Variants in ECE1 observed in about 807,000 individuals in gnomAD.
ECE1 encodes the protein endothelin-converting enzyme 1.
In ECE1, 35 loss-of-function variants were observed where a neutral mutation model predicts 98.6. The observed-to-expected ratio is 0.35, with a 90% CI of 0.27 to 0.47. The LOEUF (loss-of-function observed/expected upper bound fraction) is 0.47, where lower values mean the gene tolerates loss of function less well. Ranked by LOEUF, ECE1 falls within the 20% of genes least tolerant of loss-of-function variation. ECE1 has a pLI of 1.00. For synonymous variants in ECE1, 394 were observed against 407.1 expected, an observed-to-expected ratio of 0.97 and a Z score of 0.39; for missense variants, 814 against 1,025.3, an observed-to-expected ratio of 0.79 and a Z score of 2.81.
intron 1 of ECE1, chr1:21,299,637 G>C (rs1638441762): frequency 6.6e-6 from 1 of 152,176 alleles, no homozygotes; most frequent in Non-Finnish European, 1.5e-5. Context: ...GTGTGGACTT[G>C]GGAGCTAGGC....
chr1:21,267,711 G>A (rs1389702198), intron 4 of ECE1, among the ~76,000 whole-genome samples: 1 of 152,166 alleles, frequency 6.6e-6, no homozygotes. Flanking sequence ...AAACAGGAAG[G>A]CAGCACCCAC....
chr1:21,287,477 G>C (rs924858687), intron 2 of ECE1, among the ~76,000 whole-genome samples: 1 of 152,218 alleles, frequency 6.6e-6, no homozygotes, highest in African/African-American at 2.4e-5. Flanking sequence ...AGTGAGCTGA[G>C]ATCGCGCCAC....
chr1:21,323,254 A>G (rs191124334), intron 1 of ECE1, among the ~76,000 whole-genome samples: 3 of 152,270 alleles, frequency 2.0e-5, no homozygotes, highest in African/African-American at 7.2e-5. Context: ...AGGTGGAGAA[A>G]GGCCCTAGCC....
At chr1:21,314,244 A>G (rs1470101138) in intron 1 of ECE1, among the ~76,000 whole-genome samples, 1 of 152,188 alleles carries the variant, frequency 6.6e-6, no homozygotes, top group Non-Finnish European at 1.5e-5. Context: ...GCATTATGGG[A>G]GCCTGCAGAA....
intron 2 of ECE1, among the ~76,000 whole-genome samples, chr1:21,286,394 A>T (rs1558414556): frequency 6.6e-6 from 1 of 152,238 alleles, no homozygotes; most frequent in Non-Finnish European, 1.5e-5. Flanking sequence ...TCTAAGCATT[A>T]TCCAAAATGC....
chr1:21,335,316 C>G (rs3026818), intron 1 of ECE1, among the ~76,000 whole-genome samples: 8,264 of 152,264 alleles, frequency 0.054, 739 homozygotes, highest in African/African-American at 0.19. Flanking sequence ...CTCCTTTCTT[C>G]TCTCGGAGCG....
intron 2 of ECE1, among the ~76,000 whole-genome samples, chr1:21,282,751 A>G (rs947262968): frequency 1.3e-5 from 2 of 152,076 alleles, no homozygotes; most frequent in African/African-American, 4.8e-5. Flanking sequence ...GGAGACAGCT[A>G]AGAGCAAGGA....
chr1:21,228,100 C>A, intron 14 of ECE1, 59 bp from the exon 15 acceptor site: 2 of 1,399,066 alleles, frequency 1.4e-6, no homozygotes, highest in South Asian at 1.2e-5. Flanking sequence ...GTGGGGACAG[C>A]CTGCCTGGAG....
At chr1:21,244,848 C>T (rs2098201115) in intron 10 of ECE1, 141 bp downstream of exon 10, 1 of 778,276 alleles carries the variant, frequency 1.3e-6, no homozygotes, top group Non-Finnish European at 2.2e-6. Context: ...CTCCTCTTTA[C>T]CCTTTACTTG....
chr1:21,297,984 G>A (rs1638405920), intron 1 of ECE1: 3 of 152,412 alleles, frequency 2.0e-5, no homozygotes. Flanking sequence ...GACCACAGGT[G>A]GGTAGCACCA....
intron 14 of ECE1, among the ~76,000 whole-genome samples, chr1:21,231,690 T>C (rs1253740057): frequency 6.6e-6 from 1 of 152,232 alleles, no homozygotes; most frequent in East Asian, 1.9e-4. Context: ...GGTCTTGCTC[T>C]GTAGCCCAGG....
intron 1 of ECE1, among the ~76,000 whole-genome samples, chr1:21,305,627 A>G (rs1425541329): frequency 6.6e-6 from 1 of 152,136 alleles, no homozygotes; most frequent in Non-Finnish European, 1.5e-5. Flanking sequence ...AACAGGAGGG[A>G]GGCAAGGGAG....
At chr1:21,290,537 C>T (rs925596373), upstream of ECE1, 14 of 1,192,576 alleles carry the variant, frequency 1.2e-5, no homozygotes, top group African/African-American at 1.1e-4. The surrounding 1 kb of genome is among the most constrained non-coding windows in gnomAD (Gnocchi z 7.3). Context: ...TCCCAACCTC[C>T]GGCCTCCCGG....
Position 21,327,415 on chromosome 1 carries a change from T to C in ECE1, c.3+17961A>G, listed in dbSNP as rs1191955944. 6.6e-6 allele frequency among the ~76,000 whole-genome samples: 1 copy of C among 152,192 alleles called. No homozygotes were observed. The highest frequency in any genetic ancestry group is 1.5e-5 in the Non-Finnish European group (1 of 68,022). On this transcript the variant is annotated intron_variant, in intron 1 of 18. Coordinates refer to the ECE1 transcript ENST00000415912. This position sits in a 1 kb window ranked among gnomAD's most constrained non-coding sequence, Gnocchi z 4.6. Reference sequence around the variant, plus strand: ...GGCCCTGCCCACTCTACTCAGTTTCTCTGTCTGCCTCTCCCTCACCACTAC... The same window carrying C: ...GGCCCTGCCCACTCTACTCAGTTTCCCTGTCTGCCTCTCCCTCACCACTAC...
At chr1:21,229,252 T>C (rs1010116615) in intron 14 of ECE1, among the ~76,000 whole-genome samples, 1 of 151,904 alleles carries the variant, frequency 6.6e-6, no homozygotes, top group South Asian at 2.1e-4. Flanking sequence ...GGCATGATCA[T>C]GGCTCCCTAC....
chr1:21,238,467 T>C, intron 10 of ECE1: 1 of 602,362 alleles, frequency 1.7e-6, no homozygotes. Context: ...TGCTGGGACT[T>C]CACAAATAGT....
chr1:21,302,475 G>A (rs1282195806), intron 1 of ECE1, among the ~76,000 whole-genome samples: 9 of 152,200 alleles, frequency 5.9e-5, no homozygotes, highest in Non-Finnish European at 8.8e-5. Flanking sequence ...AGGAAAATCC[G>A]TTAATAATGG....
At chr1:21,254,123 G>A (rs2098216877) in intron 8 of ECE1, among the ~76,000 whole-genome samples, 1 of 151,368 alleles carries the variant, frequency 6.6e-6, no homozygotes, top group Admixed American at 6.6e-5. Context: ...GAGGGCAAGG[G>A]CTATGTCTCA....
intron 8 of ECE1, among the ~76,000 whole-genome samples, chr1:21,255,523 G>A (rs745739641): frequency 3.3e-5 from 5 of 152,196 alleles, no homozygotes; most frequent in Admixed American, 1.3e-4. Context: ...AGGAGCCTCC[G>A]GACCTTGATC....
Sources: gnomAD v4.1 joint callset for allele counts (sites outside exome capture counted in the v4.1 genomes callset) on GRCh38, gnomAD v4.1.1 for gene constraint, Gnocchi (gnomAD v3.1) non-coding constraint, MANE v1.5 for transcripts, NCBI Gene and HGNC (gene_info 2026-07-23, HGNC 2026-07-21) for gene names.